The following HRH1 variants were observed in gnomAD, a reference collection of about 807,000 sequenced individuals.
HRH1 encodes the protein histamine H1 receptor.
In HRH1, 6 loss-of-function variants were observed where a neutral mutation model predicts 10.3. The observed-to-expected ratio is 0.58, with a 90% confidence interval of 0.32 to 1.15. The LOEUF is 1.15. Ranked by LOEUF, HRH1 falls within the 50% of genes most tolerant of loss-of-function variation. HRH1 has a pLI of 0.05. For synonymous variants in HRH1, 242 were observed against 236.7 expected (o/e 1.02, Z -0.21); for missense variants, 514 against 615.3 (o/e 0.84, Z 1.74).
chr3:11,144,960 C>A (rs1274175826), intron 1 of HRH1, among the ~76,000 whole-genome samples: 1 of 152,136 alleles, frequency 6.6e-6, no homozygotes, highest in Admixed American at 6.5e-5. Flanking sequence ...AGGCAAGAAC[C>A]CATGAGTTTC....
At chr3:11,232,468 C>G (rs1226888613) in intron 1 of HRH1, among the ~76,000 whole-genome samples, 2 of 152,108 alleles carry the variant, frequency 1.3e-5, no homozygotes, top group Non-Finnish European at 2.9e-5. Context: ...CCTCTCTGTT[C>G]TATTCTATTG....
At chr3:11,186,483 G>A (rs1249171257) in intron 1 of HRH1, among the ~76,000 whole-genome samples, 7 of 152,098 alleles carry the variant, frequency 4.6e-5, no homozygotes, top group Non-Finnish European at 1.5e-5. Flanking sequence ...GAAAACTGAG[G>A]CCCCAAGAGG....
At chr3:11,209,471 A>G (rs1472422198) in intron 1 of HRH1, among the ~76,000 whole-genome samples, 1 of 152,194 alleles carries the variant, frequency 6.6e-6, no homozygotes, top group Non-Finnish European at 1.5e-5. Context: ...TAGTTTGATA[A>G]TAAAACTACT....
intron 1 of HRH1, among the ~76,000 whole-genome samples, chr3:11,222,843 T>G (rs533090544): frequency 6.6e-6 from 1 of 152,216 alleles, no homozygotes; most frequent in South Asian, 2.1e-4. Flanking sequence ...ATAATAGTTG[T>G]CCAAATGTGT....
chr3:11,160,715 C>T (rs781755825), intron 1 of HRH1, among the ~76,000 whole-genome samples: 16 of 152,148 alleles, frequency 1.1e-4, no homozygotes, highest in Non-Finnish European at 1.6e-4. Context: ...TTGCACAGTT[C>T]TGTATCTTGG....
chr3:11,205,476 A>G (rs1450364843), intron 1 of HRH1, among the ~76,000 whole-genome samples: 3 of 151,952 alleles, frequency 2.0e-5, no homozygotes, highest in Non-Finnish European at 4.4e-5. Context: ...GCCTCAGTTT[A>G]CTCCTCTCTG....
At chr3:11,141,822 C>T (rs1936297242) in intron 1 of HRH1, among the ~76,000 whole-genome samples, 1 of 152,198 alleles carries the variant, frequency 6.6e-6, no homozygotes, top group African/African-American at 2.4e-5. Context: ...ATCCTGGACA[C>T]AAGCTATCCT....
At position 11,238,985 on chromosome 3, in the gene HRH1, A is replaced by G. The variant is rs116820729; in HGVS notation, c.-35-20018A>G. Among the ~76,000 whole-genome samples the G allele has an allele frequency of 3.6e-3, 555 of 152,316 alleles. 3 individuals are homozygous for G. The highest frequency in any genetic ancestry group is 0.013 in the African/African-American group (532 of 41,566). On this transcript the variant is annotated intron_variant, in intron 1 of 1. Transcript: ENST00000431010. ...ATAATGCTATGAGTATCTGCATACAAGTTTTTCTGTGGTCACACGATTAGT... is the reference window on the plus strand; with the variant it reads ...ATAATGCTATGAGTATCTGCATACAGGTTTTTCTGTGGTCACACGATTAGT...
At chr3:11,195,535 G>C (rs186756339) in intron 1 of HRH1, among the ~76,000 whole-genome samples, 1 of 152,308 alleles carries the variant, frequency 6.6e-6, no homozygotes, top group South Asian at 2.1e-4. Flanking sequence ...GCTGAAGCTC[G>C]AGGGTCTACG....
intron 1 of HRH1, among the ~76,000 whole-genome samples, chr3:11,147,967 G>A (rs1253135297): frequency 6.6e-6 from 1 of 152,078 alleles, no homozygotes; most frequent in Non-Finnish European, 1.5e-5. Flanking sequence ...GGATCACAAA[G>A]TCAAGTGATC....
chr3:11,192,500 T>C (rs1360538369), intron 1 of HRH1, among the ~76,000 whole-genome samples: 1 of 152,100 alleles, frequency 6.6e-6, no homozygotes, highest in Non-Finnish European at 1.5e-5. Context: ...GGGTGCCCCA[T>C]TTGGGGTGAT....
At chr3:11,224,593 G>A (rs1372238103) in intron 1 of HRH1, among the ~76,000 whole-genome samples, 3 of 152,064 alleles carry the variant, frequency 2.0e-5, no homozygotes, top group Non-Finnish European at 4.4e-5. Flanking sequence ...CCAGCTACTC[G>A]GGAGGCTGAG....
At chr3:11,142,871 G>A (rs1282387137) in intron 1 of HRH1, among the ~76,000 whole-genome samples, 2 of 151,878 alleles carry the variant, frequency 1.3e-5, no homozygotes, top group Non-Finnish European at 2.9e-5. Flanking sequence ...CCAAGATCAC[G>A]CCACTGCACT....
intron 1 of HRH1, among the ~76,000 whole-genome samples, chr3:11,155,557 A>G (rs113430006): frequency 0.012 from 1,823 of 152,210 alleles, 14 homozygotes; most frequent in Non-Finnish European, 0.02. Flanking sequence ...CTGGCAGCTG[A>G]TAGTGCAGAG....
At chr3:11,256,123 G>A (rs1320686848) in intron 1 of HRH1, among the ~76,000 whole-genome samples, 6 of 152,134 alleles carry the variant, frequency 3.9e-5, no homozygotes, top group African/African-American at 1.2e-4. Flanking sequence ...AGATCCCCGA[G>A]GCCGACAGCA....
At chr3:11,208,405 G>A (rs936161618) in intron 1 of HRH1, among the ~76,000 whole-genome samples, 4 of 152,030 alleles carry the variant, frequency 2.6e-5, no homozygotes, top group Non-Finnish European at 5.9e-5. Context: ...ACCCGCCTTG[G>A]CCTCCCAAAG....
chr3:11,140,221 A>G (rs1003583212), intron 1 of HRH1, among the ~76,000 whole-genome samples: 8 of 152,194 alleles, frequency 5.3e-5, no homozygotes, highest in Admixed American at 1.3e-4. Flanking sequence ...CATCTGACAG[A>G]GAGAAGTAGT....
At chr3:11,173,926 C>T (rs1334003471) in intron 1 of HRH1, among the ~76,000 whole-genome samples, 1 of 152,190 alleles carries the variant, frequency 6.6e-6, no homozygotes, top group Non-Finnish European at 1.5e-5. Context: ...ATTTCCTCTT[C>T]CCGCAAGACT....
chr3:11,164,442 T>C (rs78432174), intron 1 of HRH1, among the ~76,000 whole-genome samples: 1,988 of 152,316 alleles, frequency 0.013, 52 homozygotes, highest in African/African-American at 0.046. Flanking sequence ...CTCATCAGGA[T>C]GTAAAATAAA....
Sources: allele counts gnomAD v4.1 joint callset (sites outside exome capture counted in the v4.1 genomes callset), GRCh38; gene constraint gnomAD v4.1.1; transcripts MANE v1.5; gene names NCBI Gene and HGNC (gene_info 2026-07-23, HGNC 2026-07-21).